PTPRG: variants seen among roughly 807,000 people sequenced by gnomAD.
The protein encoded by PTPRG is protein tyrosine phosphatase receptor type G.
In PTPRG, 102 loss-of-function variants were observed where a neutral mutation model predicts 165.3. The observed-to-expected ratio is 0.62, with a 90% CI of 0.53 to 0.73. The LOEUF is 0.73. PTPRG is among the 30% of genes least tolerant of loss of function. The pLI, the probability that PTPRG is intolerant of heterozygous loss-of-function variation, is 0.00. For missense variants in PTPRG, 1,866 were observed against 1,861.4 expected (o/e 1.00, Z -0.05); for synonymous variants, 675 against 669.5 (o/e 1.01, Z -0.13).
chr3:62,129,523 A>G (rs1334458903), intron 5 of PTPRG, among the ~76,000 whole-genome samples: 1 of 152,106 alleles, frequency 6.6e-6, no homozygotes, highest in Non-Finnish European at 1.5e-5. Context: ...AACCATGGCA[A>G]CGCGTATCAC....
intron 1 of PTPRG, chr3:61,743,138 C>T: frequency 2.6e-6 from 3 of 1,169,234 alleles, no homozygotes; most frequent in Non-Finnish European, 3.8e-6. Flanking sequence ...CGGAAAAGAG[C>T]GGGTCTGGTA....
chr3:62,008,341 G>C (rs946797544), intron 4 of PTPRG, among the ~76,000 whole-genome samples: 2 of 152,188 alleles, frequency 1.3e-5, no homozygotes, highest in Non-Finnish European at 2.9e-5. Flanking sequence ...AAGATCACGG[G>C]AGTTGTTGAT....
intron 2 of PTPRG, among the ~76,000 whole-genome samples, chr3:61,890,564 T>C (rs193277093): frequency 2.0e-5 from 3 of 152,242 alleles, no homozygotes; most frequent in African/African-American, 7.2e-5. Context: ...GCTATTTTTA[T>C]AATAATGTTA....
In PTPRG at chr3:61,690,834, T is replaced by G. The variant is rs190730675; in HGVS notation, c.86-58044T>G. On this transcript the variant is annotated intron_variant, in intron 1 of 29. Transcript: ENST00000474889. ...AGTGATTTTTTTTTTTCAAGGAAAT[T>G]AATAGATGATACAGTCAATGCTAGA... 2.5e-3 allele frequency among the ~76,000 whole-genome samples: 379 copies of G among 152,218 alleles called. 2 individuals carry two copies. The highest frequency in any genetic ancestry group is 8.9e-3 in the African/African-American group (368 of 41,520).
chr3:61,948,895 G>A (rs902950800), intron 2 of PTPRG, among the ~76,000 whole-genome samples: 1 of 152,156 alleles, frequency 6.6e-6, no homozygotes, highest in Non-Finnish European at 1.5e-5. Context: ...TGTTACCACT[G>A]TTAATGTCTA....
At chr3:62,097,801 G>C (rs868787910) in intron 5 of PTPRG, among the ~76,000 whole-genome samples, 1 of 152,102 alleles carries the variant, frequency 6.6e-6, no homozygotes, top group South Asian at 2.1e-4. Context: ...ATATTTTAGT[G>C]GGGCAACAAG....
chr3:61,712,439 C>T (rs930273596), intron 1 of PTPRG, among the ~76,000 whole-genome samples: 7 of 152,032 alleles, frequency 4.6e-5, no homozygotes, highest in Non-Finnish European at 1.0e-4. Context: ...ACCCAAATCT[C>T]ATCTGGAATA....
intron 2 of PTPRG, among the ~76,000 whole-genome samples, chr3:61,955,385 G>C (rs1331810548): frequency 6.6e-6 from 1 of 152,126 alleles, no homozygotes; most frequent in African/African-American, 2.4e-5. Flanking sequence ...AATGACAATG[G>C]TAATGTTTAA....
Position 62,224,110 on chromosome 3 carries a change from A to C in PTPRG, c.2288+5127A>C, listed in dbSNP as rs1167738978. On this transcript the variant is annotated intron_variant, in intron 13 of 29. Transcript: ENST00000474889. The surrounding 1 kb of genome is among the most constrained non-coding windows in gnomAD (Gnocchi z 4.9). Reference sequence around the variant, plus strand: ...TTGGGTGATGCTCCTAATAGGCCTTAAAGTCAATTCCAGAGGAGGACATCC... The same window carrying C: ...TTGGGTGATGCTCCTAATAGGCCTTCAAGTCAATTCCAGAGGAGGACATCC... Among the ~76,000 whole-genome samples, 1 of 152,170 alleles carries C rather than the reference A, an allele frequency of 6.6e-6. No individual in the cohort carries two copies. The highest frequency in any genetic ancestry group is 1.9e-4 in the East Asian group (1 of 5,196).
chr3:61,639,601 ACTT>A (rs1434977336), intron 1 of PTPRG, among the ~76,000 whole-genome samples: 1 of 151,810 alleles, frequency 6.6e-6, no homozygotes, highest in Admixed American at 6.6e-5. Context: ...AGTATTTCGT[ACTT>A]CTTGTAGCAA....
intron 4 of PTPRG, among the ~76,000 whole-genome samples, chr3:62,069,654 TCTCTCTC>T (rs1701136810): frequency 8.6e-6 from 1 of 116,266 alleles, no homozygotes; most frequent in African/African-American, 4.0e-5. Flanking sequence ...TCTCTCTCTC[TCTCTCTC>T]TCTCTCTCTC....
chr3:61,837,593 A>G (rs983806079), intron 2 of PTPRG, among the ~76,000 whole-genome samples: 1 of 152,194 alleles, frequency 6.6e-6, no homozygotes, highest in African/African-American at 2.4e-5. Context: ...AACAATAGCA[A>G]GGTTTTAGCC....
At chr3:61,958,552 T>A (rs2040083923) in intron 2 of PTPRG, among the ~76,000 whole-genome samples, 1 of 152,234 alleles carries the variant, frequency 6.6e-6, no homozygotes. Flanking sequence ...TCCCTGATTC[T>A]CTTAATTTAA....
At chr3:61,885,798 C>T in intron 2 of PTPRG, among the ~76,000 whole-genome samples, 1 of 145,176 alleles carries the variant, frequency 6.9e-6, no homozygotes, top group African/African-American at 2.6e-5. Context: ...CAGTTCCCGC[C>T]TCAGCTTGAG....
intron 2 of PTPRG, among the ~76,000 whole-genome samples, chr3:61,944,724 C>T (rs80047462): frequency 1.3e-5 from 2 of 152,144 alleles, no homozygotes; most frequent in Non-Finnish European, 2.9e-5. Flanking sequence ...TATAGTCTAT[C>T]CCACTGGAAT....
At chr3:62,095,053 G>T (rs1702064946) in intron 5 of PTPRG, among the ~76,000 whole-genome samples, 1 of 152,208 alleles carries the variant, frequency 6.6e-6, no homozygotes. Context: ...GTCGCACAGG[G>T]TTTTCTGTCA....
chr3:61,811,415 G>A (rs187957085), intron 2 of PTPRG, among the ~76,000 whole-genome samples: 1 of 152,072 alleles, frequency 6.6e-6, no homozygotes, highest in East Asian at 1.9e-4. Flanking sequence ...CTTGCTTTTG[G>A]TCCCACAGTA....
intron 26 of PTPRG, among the ~76,000 whole-genome samples, chr3:62,278,983 T>C (rs1702331819): frequency 6.6e-6 from 1 of 152,026 alleles, no homozygotes; most frequent in African/African-American, 2.4e-5. Flanking sequence ...AATAAGTGGA[T>C]ACATGTTCTG....
At chr3:61,636,277 G>A (rs1049177561) in intron 1 of PTPRG, among the ~76,000 whole-genome samples, 1 of 152,018 alleles carries the variant, frequency 6.6e-6, no homozygotes, top group Non-Finnish European at 1.5e-5. Context: ...TCTTATTTTA[G>A]AACATTTTTA....
Sources: allele counts gnomAD v4.1 joint callset (sites outside exome capture counted in the v4.1 genomes callset), GRCh38; gene constraint gnomAD v4.1.1; non-coding constraint Gnocchi (gnomAD v3.1); transcripts MANE v1.5; gene names NCBI Gene and HGNC (gene_info 2026-07-23, HGNC 2026-07-21).